The following ABCD3 variants were observed in gnomAD, a reference collection of about 807,000 sequenced individuals.
The protein encoded by ABCD3 is ATP binding cassette subfamily D member 3.
Under a neutral mutation model 105.5 loss-of-function variants are expected in ABCD3, and 41 were observed. That is an observed-to-expected ratio of 0.39 (90% CI 0.30 to 0.50). The LOEUF (loss-of-function observed/expected upper bound fraction) is 0.50. Among genes scored for constraint, ABCD3 ranks in the 20% least tolerant of loss-of-function variants. ABCD3 has a pLI of 0.84. For synonymous variants in ABCD3, 258 were observed against 269.0 expected (o/e 0.96, Z 0.40); for missense variants, 622 against 806.3 (o/e 0.77, Z 2.77).
intron 2 of ABCD3, among the ~76,000 whole-genome samples, chr1:94,462,570 A>G (rs984735073): frequency 6.6e-6 from 1 of 152,226 alleles, no homozygotes; most frequent in African/African-American, 2.4e-5. Context: ...GGAAAGTGAC[A>G]ATAGGAACAG....
chr1:94,393,134 G>A, the ABCD3 span, among the ~76,000 whole-genome samples: 5 of 141,986 alleles, frequency 3.5e-5, no homozygotes, highest in East Asian at 9.7e-4. Flanking sequence ...ATAAAAAGAA[G>A]AAGAAAGAAA....
chr1:94,488,579 A>G (rs889314111), intron 13 of ABCD3, among the ~76,000 whole-genome samples: 1 of 152,076 alleles, frequency 6.6e-6, no homozygotes, highest in African/African-American at 2.4e-5. Context: ...AGGTCACCTG[A>G]AGAAGTTTGA....
At chr1:94,467,157 G>T (rs377332670) in intron 3 of ABCD3, among the ~76,000 whole-genome samples, 3 of 152,136 alleles carry the variant, frequency 2.0e-5, no homozygotes, top group Admixed American at 6.6e-5. Context: ...AGAATTTTAT[G>T]TGTGTAAACT....
intron 1 of ABCD3, among the ~76,000 whole-genome samples, chr1:94,444,294 T>C (rs1407714887): frequency 1.4e-5 from 2 of 145,008 alleles, no homozygotes; most frequent in South Asian, 4.3e-4. Context: ...ATTGTGCCAC[T>C]GTACTCTAGC....
intron 1 of ABCD3, chr1:94,418,984 C>T (rs1659143840): frequency 4.3e-6 from 1 of 232,050 alleles, no homozygotes. Flanking sequence ...CATCTTCAGA[C>T]CGTGAAGGAT....
intron 1 of ABCD3, chr1:94,455,760 A>G (rs973677588): frequency 4.7e-6 from 5 of 1,056,666 alleles, no homozygotes; most frequent in Non-Finnish European, 3.9e-6. Flanking sequence ...GGAGAGAGAA[A>G]AGTGATGAAG....
intron 21 of ABCD3, among the ~76,000 whole-genome samples, chr1:94,507,260 G>T (rs910379604): frequency 6.6e-6 from 1 of 151,966 alleles, no homozygotes; most frequent in African/African-American, 2.4e-5. Flanking sequence ...TTGTTCTTGC[G>T]AAAGTTTACT....
At chr1:94,402,780 G>T in the ABCD3 span, among the ~76,000 whole-genome samples, 4 of 151,936 alleles carry the variant, frequency 2.6e-5, no homozygotes, top group Non-Finnish European at 5.9e-5. Context: ...TTGTTATTAT[G>T]AATATAATAC....
rs1234434805 is a variant in ABCD3 at position 94,475,747 on chromosome 1, T to C, written c.627+10T>C. The C allele has an allele frequency of 6.3e-7, 1 of 1,593,320 alleles. No homozygotes were observed. Among genetic ancestry groups the C allele is most frequent in the Admixed American group, 1.7e-5 (1 of 59,656 alleles). On this transcript the variant is annotated intron_variant, in intron 7 of 22. Transcript: ENST00000370214. ...TTCAAATCTTAGTAAGGTAAGTTTC[T>C]CTCCTTTTTAAAAGATTATTTGTTT...
intron 4 of ABCD3, among the ~76,000 whole-genome samples, chr1:94,473,129 T>C (rs1648565214): frequency 6.6e-6 from 1 of 152,188 alleles, no homozygotes; most frequent in African/African-American, 2.4e-5. Context: ...CTCTGATCTA[T>C]GCGTTAGTCC....
At chr1:94,475,055 G>C in intron 5 of ABCD3, 88 bp from the exon 6 acceptor site, 1 of 863,982 alleles carries the variant, frequency 1.2e-6, no homozygotes, top group Non-Finnish European at 1.9e-6. Flanking sequence ...TGTAGGATTT[G>C]GGACACAGGA....
At chr1:94,451,507 CA>C (rs958285516) in intron 1 of ABCD3, among the ~76,000 whole-genome samples, 2 of 152,130 alleles carry the variant, frequency 1.3e-5, no homozygotes, top group African/African-American at 4.8e-5. Flanking sequence ...TCTTAATAAA[CA>C]AAAACAACAC....
intron 20 of ABCD3, among the ~76,000 whole-genome samples, chr1:94,504,016 G>A (rs961756538): frequency 6.7e-6 from 1 of 149,326 alleles, no homozygotes; most frequent in African/African-American, 2.5e-5. Flanking sequence ...GGGTTCAAGC[G>A]ATTCTCCTGC....
intron 9 of ABCD3, among the ~76,000 whole-genome samples, chr1:94,481,100 A>G (rs1649010286): frequency 6.6e-6 from 1 of 152,212 alleles, no homozygotes; most frequent in South Asian, 2.1e-4. Context: ...TCCACTTATC[A>G]GTTGCATGTA....
chr1:94,388,747 C>T, the ABCD3 span, among the ~76,000 whole-genome samples: 3 of 152,062 alleles, frequency 2.0e-5, no homozygotes, highest in Non-Finnish European at 4.4e-5. Flanking sequence ...CCTCCAAACG[C>T]CAGAGTCTTG....
chr1:94,409,222 A>G, the ABCD3 span, among the ~76,000 whole-genome samples: 1 of 152,208 alleles, frequency 6.6e-6, no homozygotes, highest in Non-Finnish European at 1.5e-5. Context: ...AAAGAGTACA[A>G]TTGGATTGTT....
At chr1:94,490,477 A>G (rs1401421813) in intron 15 of ABCD3, among the ~76,000 whole-genome samples, 3 of 152,002 alleles carry the variant, frequency 2.0e-5, no homozygotes, top group Non-Finnish European at 4.4e-5. Context: ...ACATACAAGT[A>G]AGATCACATA....
At chr1:94,462,646 T>C (rs1485173673) in intron 2 of ABCD3, among the ~76,000 whole-genome samples, 4 of 152,184 alleles carry the variant, frequency 2.6e-5, no homozygotes, top group African/African-American at 7.2e-5. Flanking sequence ...AACGTTACTC[T>C]CTTGTAATTC....
intron 1 of ABCD3, among the ~76,000 whole-genome samples, chr1:94,440,902 T>C (rs2100913118): frequency 6.6e-6 from 1 of 152,286 alleles, no homozygotes; most frequent in Admixed American, 6.5e-5. Context: ...AGAATAAAGA[T>C]AGAATTTTTA....
Sources: allele counts gnomAD v4.1 joint callset (sites outside exome capture counted in the v4.1 genomes callset), GRCh38; gene constraint gnomAD v4.1.1; transcripts MANE v1.5; gene names NCBI Gene and HGNC (gene_info 2026-07-23, HGNC 2026-07-21).